CDC34: variants seen among roughly 807,000 people sequenced by gnomAD.
CDC34 encodes the protein cell division cycle 34, ubiquitin conjugating enzyme.
A neutral mutation model predicts 26.8 loss-of-function variants in CDC34; 18 were observed. The ratio of observed to expected loss-of-function variants is 0.67; its 90% CI spans 0.47 to 1.00. CDC34 has a LOEUF of 1.00. CDC34 is among the 50% of genes least tolerant of loss of function. CDC34 has a pLI of 0.00. For missense variants in CDC34, 280 were observed against 334.5 expected (o/e 0.84, Z 1.27); for synonymous variants, 178 against 147.5 (o/e 1.21, Z -1.50).
Position 535,923 on chromosome 19 carries a change from G to A in CDC34, c.264G>A (p.Glu88=). 2 of 1,613,144 alleles carry A rather than the reference G, an allele frequency of 1.2e-6. No homozygotes were observed. The highest frequency in any genetic ancestry group is 1.7e-6 in the Non-Finnish European group (2 of 1,179,504). ...LTKMWHPNIY[E]TGDVCISILH... Reference sequence around the variant, plus strand: ...AGATGTGGCACCCTAACATCTACGAGGTGAGCGCGGCCCCCACGGGCCTCA... The same window carrying A: ...AGATGTGGCACCCTAACATCTACGAAGTGAGCGCGGCCCCCACGGGCCTCA... The change falls in exon 2 of 5, where the codon GAG becomes GAA. Residue 88 remains glutamate, a splice_region_variant and synonymous_variant. Coordinates refer to ENST00000215574, the MANE Select transcript of CDC34 (RefSeq NM_004359.2).
intron 1 of CDC34, among the ~76,000 whole-genome samples, chr19:535,417 C>T (rs994431861): frequency 6.6e-6 from 1 of 152,264 alleles, no homozygotes; most frequent in Non-Finnish European, 1.5e-5. Context: ...CCTGGAGGTG[C>T]AGCCCTGGTC....
At chr19:532,756 C>T (rs1256728593) in intron 1 of CDC34, among the ~76,000 whole-genome samples, 1 of 152,240 alleles carries the variant, frequency 6.6e-6, no homozygotes. Flanking sequence ...GCGCCCTGGG[C>T]TCCATCCCCT....
chr19:537,678 CAG>C lies in CDC34; in HGVS notation c.497+534_497+535del, dbSNP rs1195310318. On this transcript the variant is annotated intron_variant, in intron 4 of 4. Coordinates refer to ENST00000215574, the MANE Select transcript of CDC34 (RefSeq NM_004359.2). Reference sequence around the variant, plus strand: ...TTTTTTTTTTTTTTTTTTTTGGAGACAGAGTTATACTCTCTTGCCTAGGCTGC... The same window carrying C: ...TTTTTTTTTTTTTTTTTTTTGGAGACAGTTATACTCTCTTGCCTAGGCTGC... Among the ~76,000 whole-genome samples, 83 of 41,390 alleles carry C rather than the reference CAG, an allele frequency of 2.0e-3. 1 individual carries two copies. In the Admixed American group the frequency reaches 0.028, roughly 14 times the overall value. The allele number at this position is 41,390 out of a possible 152,430, so 27.2% of individuals were successfully genotyped here.
rs16990650 is a variant in CDC34, at chr19:541,520, G to A, written c.679G>A (p.Asp227Asn). The change falls in exon 5 of 5, where the codon GAT becomes AAT. Residue 227 changes from aspartate to asparagine, a missense_variant. Coordinates refer to ENST00000215574, the MANE Select transcript of CDC34 (RefSeq NM_004359.2). Reference protein sequence around the residue: ...EEEADSCFGDDEDDSGTEES With the variant: ...EEEADSCFGDNEDDSGTEES The stretch of plus-strand genomic sequence containing the variant: ...GGAGGCCGACAGCTGCTTCGGGGAC[G>A]ATGAGGATGACTCTGGCACGGAGGA... 78 of 1,606,216 alleles carry A rather than the reference G, an allele frequency of 4.9e-5. No homozygotes were observed. The highest frequency in any genetic ancestry group is 3.1e-4 in the South Asian group (28 of 90,456).
chr19:540,875 C>T (rs1375085512), intron 4 of CDC34, among the ~76,000 whole-genome samples: 1 of 152,048 alleles, frequency 6.6e-6, no homozygotes, highest in Non-Finnish European at 1.5e-5. Flanking sequence ...CGGAGAGGCT[C>T]AGGCCGTTTT....
In CDC34 at chr19:536,254, G is replaced by C. The variant is rs1444742295; in HGVS notation, c.276G>C (p.Val92=). 1 of 1,605,980 alleles carries C rather than the reference G, an allele frequency of 6.2e-7. No homozygotes were observed. The highest frequency in any genetic ancestry group is 2.2e-5 in the East Asian group (1 of 44,568). The change falls in exon 3 of 5, where the codon GTG becomes GTC. Residue 92 remains valine, a synonymous_variant. Coordinates refer to ENST00000215574, the MANE Select transcript of CDC34 (RefSeq NM_004359.2). ...TTCTTCTTGTGCAGACGGGGGACGT[G>C]TGTATCTCCATCCTCCACCCGCCGG... The part of the protein sequence containing the change: ...WHPNIYETGD[V]CISILHPPVD...
At chr19:535,947 C>CT (rs773549663) in intron 2 of CDC34, 24 bp downstream of exon 2, 1 of 1,600,738 alleles carries the variant, frequency 6.2e-7, no homozygotes, top group South Asian at 1.1e-5. Flanking sequence ...CCACGGGCCT[C>CT]AAGTCCTCAT....
chr19:540,007 C>T (rs1350587851), intron 4 of CDC34, among the ~76,000 whole-genome samples: 2 of 149,288 alleles, frequency 1.3e-5, no homozygotes, highest in African/African-American at 5.0e-5. Context: ...TGGCCAGGCC[C>T]CCAGGTTTAG....
Position 532,025 on chromosome 19 carries a change from C to T in CDC34, c.94C>T (p.Leu32=). 6.6e-7 allele frequency: 1 copy of T among 1,517,566 alleles called. No homozygotes were observed. The highest frequency in any genetic ancestry group is 8.8e-7 in the Non-Finnish European group (1 of 1,141,726). The allele number at this position is 1,517,566 out of a possible 1,614,324, so 94.0% of individuals were successfully genotyped here. Residue 32 remains leucine, a synonymous_variant, in exon 1 of 5, where the codon CTG becomes TTG. Coordinates refer to ENST00000215574, the MANE Select transcript of CDC34 (RefSeq NM_004359.2). ...EEPVEGFRVT[L]VDEGDLYNWE... ...GCCGGTCGAGGGATTCCGCGTGACA[C>T]TGGTGGACGAGGGCGATCTATACAA...
intron 4 of CDC34, among the ~76,000 whole-genome samples, chr19:539,735 A>T: frequency 6.6e-6 from 1 of 152,190 alleles, no homozygotes; most frequent in East Asian, 1.9e-4. Context: ...GTTTTCTGTC[A>T]AATGGGGTCA....
intron 4 of CDC34, among the ~76,000 whole-genome samples, chr19:541,048 C>T (rs1600431761): frequency 6.6e-6 from 1 of 152,214 alleles, no homozygotes; most frequent in East Asian, 1.9e-4. Context: ...GTTATTTTCT[C>T]CCAGCTCCTG....
chr19:538,512 T>C (rs571654837), intron 4 of CDC34, among the ~76,000 whole-genome samples: 11 of 146,282 alleles, frequency 7.5e-5, no homozygotes, highest in Admixed American at 5.1e-4. Context: ...GCTCTTCCTG[T>C]TACATAGAGG....
chr19:536,871 T>G, intron 3 of CDC34, 142 bp from the exon 4 acceptor site: 2 of 878,328 alleles, frequency 2.3e-6, no homozygotes, highest in Non-Finnish European at 3.6e-6. Flanking sequence ...TCTGGGGGCC[T>G]GAGACAGAAG....
chr19:533,645 G>A (rs1979598655), intron 1 of CDC34, among the ~76,000 whole-genome samples: 1 of 152,258 alleles, frequency 6.6e-6, no homozygotes, highest in African/African-American at 2.4e-5. Flanking sequence ...TGGAAGGAGG[G>A]GATGGGGGTT....
Position 536,995 on chromosome 19 carries a change from G to A in CDC34, c.363-18G>A, listed in dbSNP as rs374233988. ...GGGGTGCCCCGGGCCGCCCCACTCCGACCCACTCTCCCCACAGGACCATTC... is the reference window on the plus strand; with the variant it reads ...GGGGTGCCCCGGGCCGCCCCACTCCAACCCACTCTCCCCACAGGACCATTC... On this transcript the variant is annotated intron_variant, in intron 3 of 4. Transcript: ENST00000215574. 1.5e-4 allele frequency: 247 copies of A among 1,613,204 alleles called. 5 individuals carry two copies. In the South Asian group the frequency reaches 2.1e-3, roughly 14 times the overall value.
At position 541,411 on chromosome 19, in the gene CDC34, C is replaced by T. The variant is rs1980007656; in HGVS notation, c.570C>T (p.Tyr190=). The change falls in exon 5 of 5, where the codon TAC becomes TAT. Residue 190 remains tyrosine (Y), a synonymous_variant. Coordinates refer to ENST00000215574, the MANE Select transcript of CDC34 (RefSeq NM_004359.2). ...AGGTGCCCACCACGCTGGCCGAGTA[C>T]TGCGTGAAGACCAAGGCGCCGGCGC... The part of the protein sequence containing the change: ...GVKVPTTLAE[Y]CVKTKAPAPD... The T allele has an allele frequency of 6.8e-6, 11 of 1,612,246 alleles. No individual in the cohort carries two copies. The East Asian group carries it at 2.2e-4, about 33-fold the overall frequency.
At chr19:536,388 G>A (rs771813981) in intron 3 of CDC34, 48 bp downstream of exon 3, 15 of 1,420,264 alleles carry the variant, frequency 1.1e-5, no homozygotes, top group Middle Eastern at 1.8e-4. Flanking sequence ...CAGGTAGGCC[G>A]GGCTCCGTCC....
At chr19:535,241 G>T (rs1383394448) in intron 1 of CDC34, among the ~76,000 whole-genome samples, 1 of 152,232 alleles carries the variant, frequency 6.6e-6, no homozygotes, top group Admixed American at 6.5e-5. Context: ...CCAGGTTTCT[G>T]TGACCTATGG....
chr19:538,102 C>A (rs1979845229), intron 4 of CDC34, among the ~76,000 whole-genome samples: 1 of 151,992 alleles, frequency 6.6e-6, no homozygotes, highest in African/African-American at 2.4e-5. Context: ...GAAATGGGGT[C>A]GTGCTGTGTG....
Sources: gnomAD v4.1 joint callset for allele counts (sites outside exome capture counted in the v4.1 genomes callset) on GRCh38, gnomAD v4.1.1 for gene constraint, MANE v1.5 for transcripts, NCBI Gene and HGNC (gene_info 2026-07-23, HGNC 2026-07-21) for gene names.